APBA2: variants seen among roughly 807,000 people sequenced by gnomAD.
APBA2 encodes the protein amyloid beta precursor protein binding family A member 2.
A neutral mutation model predicts 75.0 loss-of-function variants in APBA2; 30 were observed. That is an observed-to-expected ratio of 0.40 (90% confidence interval 0.30 to 0.54). The LOEUF (loss-of-function observed/expected upper bound fraction) is 0.54. Among genes scored for constraint, APBA2 ranks in the 20% least tolerant of loss-of-function variants. The probability of loss-of-function intolerance (pLI) is 0.49; values close to 1 mark genes in which losing one functional copy is unlikely to be tolerated. For synonymous variants in APBA2, 444 were observed against 409.6 expected (o/e 1.08, Z -1.01); for missense variants, 801 against 1,016.1 (o/e 0.79, Z 2.88).
chr15:28,902,054 G>C (rs995107749), intron 1 of APBA2, among the ~76,000 whole-genome samples: 1 of 151,916 alleles, frequency 6.6e-6, no homozygotes, highest in African/African-American at 2.4e-5. Context: ...CATCACAGAT[G>C]GGGGCTCATA....
At chr15:29,115,969 C>T (rs912506022) in intron 14 of APBA2, among the ~76,000 whole-genome samples, 39 of 125,900 alleles carry the variant, frequency 3.1e-4, no homozygotes, top group African/African-American at 2.0e-3. Flanking sequence ...AGTGCGAGGG[C>T]CCCCCATCCG....
chr15:29,095,635 C>T (rs1382852579), intron 8 of APBA2, among the ~76,000 whole-genome samples: 1 of 152,246 alleles, frequency 6.6e-6, no homozygotes, highest in Admixed American at 6.5e-5. Flanking sequence ...TTAGTTCCCC[C>T]TCCCTGCTTT....
chr15:28,962,097 C>G (rs2036503799), intron 2 of APBA2, among the ~76,000 whole-genome samples: 2 of 152,150 alleles, frequency 1.3e-5, no homozygotes, highest in South Asian at 4.2e-4. Context: ...TCGTGAACTC[C>G]TGGGGCGTGA....
chr15:28,899,270 C>T (rs2032701809), intron 1 of APBA2, among the ~76,000 whole-genome samples: 1 of 152,258 alleles, frequency 6.6e-6, no homozygotes, highest in African/African-American at 2.4e-5. Flanking sequence ...GCCTACGTCT[C>T]TCCCCACCTG....
intron 13 of APBA2, among the ~76,000 whole-genome samples, chr15:29,109,364 A>G (rs185112510): frequency 6.6e-6 from 1 of 152,306 alleles, no homozygotes; most frequent in African/African-American, 2.4e-5. Flanking sequence ...ATTTGCTGCT[A>G]TAAAAAAGAG....
intron 10 of APBA2, chr15:29,102,588 C>G (rs959099369): frequency 5.9e-5 from 9 of 152,394 alleles, no homozygotes; most frequent in Non-Finnish European, 1.2e-4. Context: ...AAACCCTAGT[C>G]TCTACTAAAG....
At chr15:29,039,459 C>A (rs2040923651) in intron 3 of APBA2, among the ~76,000 whole-genome samples, 1 of 152,078 alleles carries the variant, frequency 6.6e-6, no homozygotes, top group Non-Finnish European at 1.5e-5. Flanking sequence ...ACATTTTTGT[C>A]ATATTCATTA....
chr15:28,974,848 A>C lies in APBA2; in HGVS notation c.-94-20905A>C, dbSNP rs372390740. Among the ~76,000 whole-genome samples the C allele has an allele frequency of 8.5e-5, 13 of 152,328 alleles. No individual in the cohort carries two copies. The East Asian group carries it at 1.3e-3, about 16-fold the overall frequency. On this transcript the variant is annotated intron_variant, in intron 2 of 14. Transcript: ENST00000683413. ...TTTATCATCTAACTAAAAATGATAG[A>C]TAAAAATAGCCAAATAAACTTAGAG...
At chr15:28,968,972 T>G (rs1298517322) in intron 2 of APBA2, among the ~76,000 whole-genome samples, 3 of 151,842 alleles carry the variant, frequency 2.0e-5, no homozygotes, top group Non-Finnish European at 2.9e-5. Flanking sequence ...TAATCATGGT[T>G]GTCAAAAAGT....
chr15:29,086,211 G>C (rs116132495), intron 6 of APBA2, among the ~76,000 whole-genome samples: 1,592 of 152,324 alleles, frequency 0.01, 28 homozygotes, highest in African/African-American at 0.037. Context: ...CAGCGGCCTG[G>C]TGAGAGAACT....
At chr15:29,013,619 C>G (rs201574357) in intron 3 of APBA2, among the ~76,000 whole-genome samples, 2 of 148,226 alleles carry the variant, frequency 1.3e-5, no homozygotes, top group East Asian at 4.0e-4. Context: ...CATTTATGCC[C>G]TTAGTCACAA....
At chr15:28,905,270 AT>A (rs2033079106) in intron 1 of APBA2, among the ~76,000 whole-genome samples, 1 of 152,182 alleles carries the variant, frequency 6.6e-6, no homozygotes. Context: ...GGAAGGAGGA[AT>A]TTTTAGATTT....
intron 2 of APBA2, among the ~76,000 whole-genome samples, chr15:28,957,746 C>T (rs11852688): frequency 0.11 from 16,997 of 152,120 alleles, 2,910 homozygotes; most frequent in African/African-American, 0.37. Flanking sequence ...GAGAGGGCGA[C>T]GGGTGGTGCT....
chr15:29,016,335 C>T (rs1414840645), intron 3 of APBA2, among the ~76,000 whole-genome samples: 2 of 152,210 alleles, frequency 1.3e-5, no homozygotes, highest in African/African-American at 2.4e-5. Context: ...TTGTTATCCC[C>T]TTTGATAGAC....
In APBA2 at chr15:28,895,168, C is replaced by T. The variant is rs145830308; in HGVS notation, c.-205+8890C>T. Among the ~76,000 whole-genome samples the T allele has an allele frequency of 1.7e-3, 253 of 152,336 alleles. 1 individual carries two copies. The highest frequency in any genetic ancestry group is 5.6e-3 in the African/African-American group (233 of 41,584). ...CACCCAGCCTTAACCTGTGCAGCTC[C>T]GCCAACTTACCCTCGGCACACAGGG... is the stretch of plus-strand genomic sequence containing the variant. On this transcript the variant is annotated intron_variant, in intron 1 of 14. Coordinates refer to ENST00000683413, the MANE Select transcript of APBA2 (RefSeq NM_001353788.2).
At chr15:28,975,602 A>G (rs879919322) in intron 2 of APBA2, among the ~76,000 whole-genome samples, 32 of 152,360 alleles carry the variant, frequency 2.1e-4, no homozygotes, top group Admixed American at 3.9e-4. Context: ...TTATGATTCA[A>G]AATCCAAAAG....
rs2041771025 is a variant in APBA2, at chr15:29,054,333, A to C, written c.449A>C (p.His150Pro). The change falls in exon 4 of 15, where the codon CAC becomes CCC. Residue 150 changes from histidine (H) to proline (P), a missense_variant. By Grantham distance (77) the His-to-Pro change is moderately conservative. Around this residue, in one of 2 missense-constraint regions of APBA2, gnomAD observed 434 missense variants for 471.6 expected, o/e 0.92. Coordinates refer to ENST00000683413, the MANE Select transcript of APBA2 (RefSeq NM_001353788.2). This position sits in a 1 kb window ranked among gnomAD's most constrained non-coding sequence, Gnocchi z 6.1. Reference protein sequence around the residue: ...EWTDSAGPHPHGHEAEGSQDY... With the variant: ...EWTDSAGPHPPGHEAEGSQDY... ...ACGGACTCGGCGGGCCCGCACCCCCACGGCCACGAGGCTGAAGGCAGCCAG... is the reference window on the plus strand; with the variant it reads ...ACGGACTCGGCGGGCCCGCACCCCCCCGGCCACGAGGCTGAAGGCAGCCAG... 2 of 1,613,606 alleles carry C rather than the reference A, an allele frequency of 1.2e-6. No individual in the cohort carries two copies. The highest frequency in any genetic ancestry group is 1.7e-6 in the Non-Finnish European group (2 of 1,179,966).
intron 2 of APBA2, among the ~76,000 whole-genome samples, chr15:28,986,422 A>G (rs913347834): frequency 6.6e-6 from 1 of 152,184 alleles, no homozygotes; most frequent in African/African-American, 2.4e-5. Context: ...CCTGTTCCGT[A>G]AGAAGGAGCG....
intron 7 of APBA2, among the ~76,000 whole-genome samples, chr15:29,093,886 G>A (rs1339587492): frequency 6.6e-6 from 1 of 152,158 alleles, no homozygotes; most frequent in Non-Finnish European, 1.5e-5. Context: ...GAGGCCATCC[G>A]GGGTGGGCAG....
Sources: allele counts gnomAD v4.1 joint callset (sites outside exome capture counted in the v4.1 genomes callset), GRCh38; gene constraint gnomAD v4.1.1; regional missense constraint gnomAD v4.1.1; non-coding constraint Gnocchi (gnomAD v3.1); transcripts MANE v1.5; gene names NCBI Gene and HGNC (gene_info 2026-07-23, HGNC 2026-07-21).